TAFA5: variants seen among roughly 807,000 people sequenced by gnomAD.
TAFA5 encodes the protein chemokine-like protein TAFA-5.
Under a neutral mutation model 15.3 loss-of-function variants are expected in TAFA5, and 6 were observed. The ratio of observed to expected loss-of-function variants is 0.39; its 90% CI spans 0.21 to 0.77. The LOEUF (loss-of-function observed/expected upper bound fraction) is 0.77, where lower values mean the gene tolerates loss of function less well. TAFA5 is among the 30% of genes least tolerant of loss of function. TAFA5 has a pLI of 0.41. For missense variants in TAFA5, 161 were observed against 193.1 expected, an observed-to-expected ratio of 0.83 and a Z score of 0.98; for synonymous variants, 103 against 80.7, an observed-to-expected ratio of 1.28 and a Z score of -1.48.
In TAFA5 at chr22:48,542,333, GGTGTGTGTGTGGTGTGTGTGCATAT is replaced by G. The variant is rs1411201638; in HGVS notation, c.112+52639_112+52663del. 1.1e-3 allele frequency among the ~76,000 whole-genome samples: 140 copies of G among 132,712 alleles called. 1 individual carries two copies. The highest frequency in any genetic ancestry group is 3.2e-3 in the African/African-American group (110 of 34,374). 87.1% of individuals were successfully genotyped at this position (132,712 alleles called of 152,430 possible). ...GTGTGTATGTGTGTGTGATGTGTGT[GGTGTGTGTGTGGTGTGTGTGCATAT>G]GTGTGTGTGCGGGTGTGTGGTGTGT... On this transcript the variant is annotated intron_variant, in intron 1 of 3. Transcript: ENST00000402357.
intron 1 of TAFA5, among the ~76,000 whole-genome samples, chr22:48,623,718 C>T (rs1348485768): frequency 6.6e-6 from 1 of 152,250 alleles, no homozygotes; most frequent in African/African-American, 2.4e-5. Context: ...GGCCCGAGGC[C>T]TCTGCTGGGC....
chr22:48,750,290 T>C lies in TAFA5; in HGVS notation c.*443T>C. On this transcript the variant is annotated 3_prime_UTR_variant, in exon 4 of 4. Transcript: ENST00000402357. ...CCGTGCCCCAGACTGTCCGAATTGC[T>C]TTTATTTTCTTATACTTTCAGTATA... The C allele has an allele frequency of 5.1e-6, 1 of 194,746 alleles. No individual in the cohort carries two copies. 12.1% of individuals were successfully genotyped at this position (194,746 alleles called of 1,614,324 possible).
chr22:48,535,290 G>A (rs2147115214), intron 1 of TAFA5, among the ~76,000 whole-genome samples: 1 of 152,284 alleles, frequency 6.6e-6, no homozygotes, highest in Non-Finnish European at 1.5e-5. Flanking sequence ...CCCACACACT[G>A]TGACCTGCAC....
At position 48,489,650 on chromosome 22, in the gene TAFA5, T is replaced by A. The variant is rs755455318; in HGVS notation, c.58T>A (p.Ser20Thr). 7.8e-6 allele frequency: 12 copies of A among 1,531,340 alleles called. No individual in the cohort carries two copies. The highest frequency in any genetic ancestry group is 1.1e-5 in the Non-Finnish European group (12 of 1,139,766). The allele number at this position is 1,531,340 out of a possible 1,614,324, so 94.9% of individuals were successfully genotyped here. ...AGATGCGACCGCCCTGCCCAGCATG[T>A]CCTCAACTTTCTGGGCGTTCATGAT... is the stretch of plus-strand genomic sequence containing the variant. Reference protein sequence around the residue: ...RQDATALPSMSSTFWAFMILA... With the variant: ...RQDATALPSMTSTFWAFMILA... The change falls in exon 1 of 4, where the codon TCC (serine) becomes ACC (threonine). Residue 20 changes from serine to threonine, a missense_variant. Physicochemically the swap from Ser to Thr is moderately conservative, Grantham distance 58. Transcript: ENST00000402357. This position sits in a 1 kb window ranked among gnomAD's most constrained non-coding sequence, Gnocchi z 5.5.
At chr22:48,733,866 A>G (rs1321640535) in intron 3 of TAFA5, among the ~76,000 whole-genome samples, 8 of 152,184 alleles carry the variant, frequency 5.3e-5, no homozygotes, top group African/African-American at 1.9e-4. Context: ...AAATGCATAT[A>G]CTGTCTGACT....
chr22:48,559,088 G>A (rs1923138394), intron 1 of TAFA5, among the ~76,000 whole-genome samples: 3 of 152,196 alleles, frequency 2.0e-5, no homozygotes, highest in Admixed American at 2.0e-4. Flanking sequence ...ACTGCTACAT[G>A]AGGGACACAG....
At chr22:48,515,266 C>T (rs949684672) in intron 1 of TAFA5, among the ~76,000 whole-genome samples, 5 of 152,084 alleles carry the variant, frequency 3.3e-5, no homozygotes, top group African/African-American at 1.2e-4. Flanking sequence ...TGGAAAGGAG[C>T]AGAGACTCAG....
chr22:48,659,973 G>T lies in TAFA5; in HGVS notation c.262+13227G>T, dbSNP rs186182844. Among the ~76,000 whole-genome samples the T allele has an allele frequency of 1.8e-3, 268 of 152,294 alleles. 1 individual carries two copies. Among genetic ancestry groups the T allele is most frequent in the Non-Finnish European group, 2.9e-3 (194 of 68,022 alleles). ...ATGCTTTGATCATGTGACTTGGAGG[G>T]GGGTGAGTGGGGTTGCCTCCCTGTT... On this transcript the variant is annotated intron_variant, in intron 2 of 3. Coordinates refer to ENST00000402357, the MANE Select transcript of TAFA5 (RefSeq NM_001082967.3).
At chr22:48,654,062 C>T (rs1238936368) in intron 2 of TAFA5, among the ~76,000 whole-genome samples, 6 of 152,044 alleles carry the variant, frequency 3.9e-5, no homozygotes, top group African/African-American at 1.2e-4. Context: ...TGTCCCGTCA[C>T]GTCGGCACGG....
chr22:48,689,560 GT>G (rs1928473136), intron 2 of TAFA5, among the ~76,000 whole-genome samples: 1 of 152,160 alleles, frequency 6.6e-6, no homozygotes, highest in Non-Finnish European at 1.5e-5. Flanking sequence ...GACGTGAGAT[GT>G]TGCTCAATCT....
intron 1 of TAFA5, among the ~76,000 whole-genome samples, chr22:48,532,070 C>T (rs1390431701): frequency 6.6e-6 from 1 of 152,240 alleles, no homozygotes; most frequent in Non-Finnish European, 1.5e-5. Context: ...CCGAGCCCTG[C>T]TCCTGTGCAC....
chr22:48,741,946 C>T (rs1257000050), intron 3 of TAFA5, among the ~76,000 whole-genome samples: 1 of 152,228 alleles, frequency 6.6e-6, no homozygotes, highest in Non-Finnish European at 1.5e-5. Flanking sequence ...AGAAAAAGTG[C>T]CCTGCATTCT....
intron 3 of TAFA5, among the ~76,000 whole-genome samples, chr22:48,746,751 G>T (rs1930339664): frequency 6.6e-6 from 1 of 152,200 alleles, no homozygotes; most frequent in South Asian, 2.1e-4. Flanking sequence ...CTTGTTACAG[G>T]ACAGAAGCCG....
intron 1 of TAFA5, among the ~76,000 whole-genome samples, chr22:48,508,224 C>G (rs1364612427): frequency 6.6e-6 from 1 of 152,172 alleles, no homozygotes; most frequent in Non-Finnish European, 1.5e-5. Context: ...CCATGGGCAG[C>G]CGGCAGCTTT....
In TAFA5 at chr22:48,566,068, GGATGGATGGAT is replaced by G. The variant is rs1923397822; in HGVS notation, c.112+76373_112+76383del. On this transcript the variant is annotated intron_variant, in intron 1 of 3. Transcript: ENST00000402357. The surrounding 1 kb of genome is among the most constrained non-coding windows in gnomAD (Gnocchi z 4.5). ...AGCTGATGATGGATGGATGATGGAT[GGATGGATGGAT>G]GATGGATGAATGATAGGTGGATATG... 1.3e-5 allele frequency among the ~76,000 whole-genome samples: 2 copies of G among 151,848 alleles called. No individual in the cohort carries two copies. Among genetic ancestry groups the G allele is most frequent in the African/African-American group, 2.4e-5 (1 of 41,290 alleles).
At chr22:48,559,963 G>A (rs1046245450) in intron 1 of TAFA5, among the ~76,000 whole-genome samples, 4 of 152,212 alleles carry the variant, frequency 2.6e-5, no homozygotes, top group African/African-American at 4.8e-5. Flanking sequence ...AGGACCTGAG[G>A]CCAGAATGCA....
chr22:48,527,503 C>T (rs1341375214), intron 1 of TAFA5, among the ~76,000 whole-genome samples: 3 of 152,230 alleles, frequency 2.0e-5, no homozygotes, highest in South Asian at 2.1e-4. Flanking sequence ...CGGCTACTCC[C>T]CGTGCACGGC....
intron 3 of TAFA5, among the ~76,000 whole-genome samples, chr22:48,746,309 C>CCGTCACT (rs1429040299): frequency 1.3e-5 from 2 of 151,984 alleles, no homozygotes; most frequent in African/African-American, 4.8e-5. Context: ...CCCCAGTCAC[C>CCGTCACT]CGTCACTCTC....
At chr22:48,658,498 C>G (rs981958005) in intron 2 of TAFA5, among the ~76,000 whole-genome samples, 1 of 152,216 alleles carries the variant, frequency 6.6e-6, no homozygotes. Flanking sequence ...GCGTGAGTGA[C>G]GGAGCACCGT....
Sources: allele counts gnomAD v4.1 joint callset (sites outside exome capture counted in the v4.1 genomes callset), GRCh38; gene constraint gnomAD v4.1.1; non-coding constraint Gnocchi (gnomAD v3.1); transcripts MANE v1.5; gene names NCBI Gene and HGNC (gene_info 2026-07-23, HGNC 2026-07-21).